The following PSMD3 variants were observed in gnomAD, a reference collection of about 807,000 sequenced individuals.
PSMD3 encodes the protein proteasome 26S subunit, non-ATPase 3, also known as 26S proteasome non-ATPase regulatory subunit 3.
A neutral mutation model predicts 62.8 loss-of-function variants in PSMD3; 5 were observed. That is an observed-to-expected ratio of 0.08 (90% confidence interval 0.04 to 0.17). PSMD3 has a LOEUF of 0.17. Ranked by LOEUF, PSMD3 falls within the 10% of genes least tolerant of loss-of-function variation. The pLI is 1.00. For missense variants in PSMD3, 524 were observed against 713.6 expected (o/e 0.73, Z 3.03); for synonymous variants, 265 against 283.9 (o/e 0.93, Z 0.67).
At chr17:39,992,009 A>G (rs1980665528) in intron 6 of PSMD3, among the ~76,000 whole-genome samples, 1 of 147,310 alleles carries the variant, frequency 6.8e-6, no homozygotes, top group Admixed American at 6.8e-5. Flanking sequence ...TGGGCGACAG[A>G]GCAAGACTCT....
intron 6 of PSMD3, chr17:39,993,324 C>G (rs1202085605): frequency 6.6e-6 from 1 of 152,336 alleles, no homozygotes; most frequent in South Asian, 2.1e-4. Context: ...TTCTGAGGTA[C>G]TGGGGTTTAG....
intron 3 of PSMD3, 144 bp from the exon 4 acceptor site, chr17:39,988,539 T>C: frequency 3.1e-6 from 3 of 962,234 alleles, no homozygotes; most frequent in Non-Finnish European, 4.6e-6. Flanking sequence ...TCTGTGAACA[T>C]TCGTGTACAT....
intron 2 of PSMD3, among the ~76,000 whole-genome samples, chr17:39,985,245 A>G (rs921334316): frequency 2.0e-5 from 3 of 152,168 alleles, no homozygotes; most frequent in Non-Finnish European, 4.4e-5. Flanking sequence ...AAACAAAAAA[A>G]ACCCCACAGA....
Position 39,995,150 on chromosome 17 carries a change from C to G in PSMD3, c.1097-26C>G. On this transcript the variant is annotated intron_variant, in intron 7 of 11. Coordinates refer to ENST00000264639, the MANE Select transcript of PSMD3 (RefSeq NM_002809.4). This position sits in a 1 kb window ranked among gnomAD's most constrained non-coding sequence, Gnocchi z 4.1. ...ACATGCCTGTGCCTATTTGCATCAT[C>G]CAATCTACTCCTGTTCTGCCTGCAG... 1 of 1,614,112 alleles carries G rather than the reference C, an allele frequency of 6.2e-7. No individual in the cohort carries two copies. Among genetic ancestry groups the G allele is most frequent in the Non-Finnish European group, 8.5e-7 (1 of 1,180,012 alleles).
chr17:39,996,703 T>C lies in PSMD3; in HGVS notation c.1476+365T>C, dbSNP rs1414360643. The C allele has an allele frequency of 2.1e-6, 1 of 486,620 alleles. No individual in the cohort carries two copies. The highest frequency in any genetic ancestry group is 4.0e-6 in the Non-Finnish European group (1 of 247,908). 30.1% of individuals were successfully genotyped at this position (486,620 alleles called of 1,614,324 possible). ...TACCTGTCTTGCTTGCTTCACAGGGTTGGTAAGATTAAAAGAAGTCCCTGT... is the reference window on the plus strand; with the variant it reads ...TACCTGTCTTGCTTGCTTCACAGGGCTGGTAAGATTAAAAGAAGTCCCTGT... On this transcript the variant is annotated intron_variant, in intron 10 of 11. Transcript: ENST00000264639. This position sits in a 1 kb window ranked among gnomAD's most constrained non-coding sequence, Gnocchi z 5.1.
At chr17:39,990,274 G>A in intron 6 of PSMD3, 77 bp downstream of exon 6, 2 of 1,303,488 alleles carry the variant, frequency 1.5e-6, no homozygotes, top group Non-Finnish European at 2.1e-6. Flanking sequence ...TGTTACCTGG[G>A]CTGGTCTTGA....
chr17:39,993,867 CA>C (rs1980717935), intron 6 of PSMD3: 1 of 152,158 alleles, frequency 6.6e-6, no homozygotes, highest in Non-Finnish European at 1.5e-5. Context: ...ACTAAGGACC[CA>C]GTTGCTCAGT....
chr17:39,988,736 G>A lies in PSMD3; in HGVS notation c.603G>A (p.Arg201=), dbSNP rs767481970. The A allele has an allele frequency of 6.2e-7, 1 of 1,614,142 alleles. No homozygotes were observed. The highest frequency in any genetic ancestry group is 8.5e-7 in the Non-Finnish European group (1 of 1,180,022). ...LMQKISTQNR[R]ALDLVAAKCY... ...AGAAGATCAGTACTCAGAACCGCCG[G>A]GCCCTAGACCTTGTAGCCGCAAAGT... The change falls in exon 4 of 12, where the codon CGG becomes CGA. Residue 201 remains arginine (R), a synonymous_variant. Coordinates refer to ENST00000264639, the MANE Select transcript of PSMD3 (RefSeq NM_002809.4).
In PSMD3 at chr17:39,980,876, C is replaced by T. The variant is rs919187422; in HGVS notation, c.-95C>T. On this transcript the variant is annotated 5_prime_UTR_variant, in exon 1 of 12. Transcript: ENST00000264639. ...GTGCGGCCCGACGCTATCTCGCGCTCGTGTGCAGGCCCGGCTCGGCTCCTG... is the reference window on the plus strand; with the variant it reads ...GTGCGGCCCGACGCTATCTCGCGCTTGTGTGCAGGCCCGGCTCGGCTCCTG... 9 of 1,126,858 alleles carry T rather than the reference C, an allele frequency of 8.0e-6. No homozygotes were observed. Among genetic ancestry groups the T allele is most frequent in the South Asian group, 1.7e-5 (1 of 60,322 alleles). 69.8% of individuals were successfully genotyped at this position (1,126,858 alleles called of 1,614,324 possible).
chr17:39,983,274 C>T (rs1034569431), intron 1 of PSMD3, among the ~76,000 whole-genome samples: 18 of 152,114 alleles, frequency 1.2e-4, no homozygotes, highest in Non-Finnish European at 2.6e-4. Context: ...CTTAATGATC[C>T]GCCCTCCTCA....
In PSMD3 at chr17:39,995,341, C is replaced by CACCCACACTTCTAG; in HGVS notation, c.1216+46_1216+47insACCCACACTTCTAG. 6.2e-7 allele frequency: 1 copy of CACCCACACTTCTAG among 1,613,962 alleles called. No homozygotes were observed. The highest frequency in any genetic ancestry group is 1.1e-5 in the South Asian group (1 of 91,076). ...GGCTGTTGGAGGAGCAGAAGCCAGGCCAGGGCAAACCTAGTGGGTATCCTT... is the reference window on the plus strand; with the variant it reads ...GGCTGTTGGAGGAGCAGAAGCCAGGCACCCACACTTCTAGCAGGGCAAACCTAGTGGGTATCCTT... On this transcript the variant is annotated intron_variant, in intron 8 of 11. Transcript: ENST00000264639. This position sits in a 1 kb window ranked among gnomAD's most constrained non-coding sequence, Gnocchi z 4.1.
chr17:39,987,012 C>G (rs1353981983), intron 3 of PSMD3, among the ~76,000 whole-genome samples: 2 of 152,128 alleles, frequency 1.3e-5, no homozygotes, highest in African/African-American at 4.8e-5. Flanking sequence ...GGGTTCCAAT[C>G]CCAGCCATAC....
intron 1 of PSMD3, among the ~76,000 whole-genome samples, chr17:39,983,985 G>C (rs942885344): frequency 9.2e-5 from 14 of 152,180 alleles, no homozygotes; most frequent in South Asian, 4.2e-4. Context: ...AGATCACGAG[G>C]TCAGGAGATC....
rs2144818767 is a variant in PSMD3, at chr17:39,997,515, G to A, written c.1539G>A (p.Glu513=). 6.2e-7 allele frequency: 1 copy of A among 1,614,262 alleles called. No homozygotes were observed. The highest frequency in any genetic ancestry group is 1.1e-5 in the South Asian group (1 of 91,086). ...KDLESAEERR[E]REQQDLEFAK... ...GCCTCTCTCCCCAGGAACGGCGTGA[G>A]CGAGAACAGCAGGACTTGGAGTTTG... is the stretch of plus-strand genomic sequence containing the variant. Residue 513 remains glutamate, a synonymous_variant, in exon 12 of 12, where the codon GAG becomes GAA. Coordinates refer to ENST00000264639, the MANE Select transcript of PSMD3 (RefSeq NM_002809.4).
intron 2 of PSMD3, among the ~76,000 whole-genome samples, chr17:39,985,102 C>T (rs1335358176): frequency 6.6e-6 from 1 of 152,128 alleles, no homozygotes; most frequent in Non-Finnish European, 1.5e-5. Context: ...GTGGCACCTG[C>T]CTGTAGTCCC....
At position 39,990,081 on chromosome 17, in the gene PSMD3, C is replaced by T; in HGVS notation, c.878-13C>T. ...CTACTCTGTTGACCAACTCTCCTCT[C>T]CTCCACTCCCAGGGCGAATCAAAGC... On this transcript the variant is annotated splice_polypyrimidine_tract_variant and intron_variant, in intron 5 of 11. Transcript: ENST00000264639. 1 of 1,613,072 alleles carries T rather than the reference C, an allele frequency of 6.2e-7. No individual in the cohort carries two copies. Among genetic ancestry groups the T allele is most frequent in the Non-Finnish European group, 8.5e-7 (1 of 1,179,110 alleles).
chr17:39,990,246 TTA>T, intron 6 of PSMD3, 49 bp downstream of exon 6: 3 of 1,435,938 alleles, frequency 2.1e-6, no homozygotes, highest in Non-Finnish European at 2.9e-6. Flanking sequence ...TTTTTTTTTT[TTA>T]AATGGTGTCT....
chr17:39,984,272 T>C (rs953670449), intron 1 of PSMD3, 22 bp from the exon 2 acceptor site: 11 of 1,587,872 alleles, frequency 6.9e-6, no homozygotes, highest in Non-Finnish European at 9.4e-6. Flanking sequence ...GTGACATCAT[T>C]TTCTTCTCTG....
In PSMD3 at chr17:39,995,337, C is replaced by T; in HGVS notation, c.1216+42C>T. ...GAGGGGCTGTTGGAGGAGCAGAAGC[C>T]AGGCCAGGGCAAACCTAGTGGGTAT... On this transcript the variant is annotated intron_variant, in intron 8 of 11. Transcript: ENST00000264639. This position sits in a 1 kb window ranked among gnomAD's most constrained non-coding sequence, Gnocchi z 4.1. The T allele has an allele frequency of 6.2e-7, 1 of 1,614,084 alleles. No homozygotes were observed. Among genetic ancestry groups the T allele is most frequent in the Admixed American group, 1.7e-5 (1 of 60,004 alleles).
Sources: gnomAD v4.1 joint callset for allele counts (sites outside exome capture counted in the v4.1 genomes callset) on GRCh38, gnomAD v4.1.1 for gene constraint, Gnocchi (gnomAD v3.1) non-coding constraint, MANE v1.5 for transcripts, NCBI Gene and HGNC (gene_info 2026-07-23, HGNC 2026-07-21) for gene names.